The following COX7B2 variants were observed in gnomAD, a reference collection of about 807,000 sequenced individuals.
COX7B2 encodes the protein cytochrome c oxidase subunit 7B2.
For synonymous variants in COX7B2, 37 were observed against 32.1 expected (o/e 1.15, Z -0.51); for missense variants, 109 against 95.9 (o/e 1.14, Z -0.57).
chr4:46,790,098 A>G (rs1717959169), intron 2 of COX7B2, among the ~76,000 whole-genome samples: 3 of 152,142 alleles, frequency 2.0e-5, no homozygotes, highest in African/African-American at 7.2e-5. Context: ...ATAATTTTCT[A>G]TCTGCTATCT....
intron 2 of COX7B2, among the ~76,000 whole-genome samples, chr4:46,778,723 T>A (rs1224417732): frequency 6.6e-6 from 1 of 152,154 alleles, no homozygotes; most frequent in Non-Finnish European, 1.5e-5. Flanking sequence ...ATTTGATATA[T>A]CAATTAGTTC....
intron 2 of COX7B2, among the ~76,000 whole-genome samples, chr4:46,784,651 A>T (rs1273267499): frequency 6.6e-6 from 1 of 152,202 alleles, no homozygotes. Flanking sequence ...AGAAGCTTTA[A>T]TCAAGTAAAT....
intron 2 of COX7B2, among the ~76,000 whole-genome samples, chr4:46,741,500 T>C (rs189208657): frequency 1.9e-4 from 29 of 152,104 alleles, no homozygotes; most frequent in Admixed American, 1.9e-3. Context: ...TACAGAAAGG[T>C]GTATCCTCCC....
chr4:46,860,748 G>C (rs1488232913), intron 1 of COX7B2, among the ~76,000 whole-genome samples: 1 of 152,014 alleles, frequency 6.6e-6, no homozygotes, highest in Non-Finnish European at 1.5e-5. Context: ...TGCAATGTAC[G>C]TTTCATTTAC....
intron 1 of COX7B2, among the ~76,000 whole-genome samples, chr4:46,848,232 G>C (rs1716421174): frequency 6.6e-6 from 1 of 151,998 alleles, no homozygotes; most frequent in African/African-American, 2.4e-5. Flanking sequence ...ACTAACTAAT[G>C]CTAATTAAAG....
intron 2 of COX7B2, among the ~76,000 whole-genome samples, chr4:46,799,290 A>G (rs1718527554): frequency 6.6e-6 from 1 of 152,098 alleles, no homozygotes; most frequent in Non-Finnish European, 1.5e-5. Flanking sequence ...CTAATGATAA[A>G]ATCATATCAT....
chr4:46,779,688 C>T (rs73139364), intron 2 of COX7B2, among the ~76,000 whole-genome samples: 5,094 of 151,924 alleles, frequency 0.034, 215 homozygotes, highest in African/African-American at 0.1. Flanking sequence ...CACCAACACT[C>T]GCTATCTCTT....
intron 2 of COX7B2, among the ~76,000 whole-genome samples, chr4:46,746,845 T>G (rs2109416672): frequency 6.6e-6 from 1 of 152,342 alleles, no homozygotes; most frequent in South Asian, 2.1e-4. Flanking sequence ...TTACTTAAAC[T>G]TGATTAAACT....
intron 1 of COX7B2, among the ~76,000 whole-genome samples, chr4:46,868,340 T>G (rs1054716211): frequency 6.6e-6 from 1 of 152,184 alleles, no homozygotes; most frequent in Non-Finnish European, 1.5e-5. Context: ...TACATTGAAC[T>G]TTTGAATGTT....
chr4:46,802,256 T>C (rs1382928384), intron 2 of COX7B2, among the ~76,000 whole-genome samples: 2 of 152,140 alleles, frequency 1.3e-5, no homozygotes, highest in Admixed American at 6.5e-5. Flanking sequence ...GCCCAGAAGA[T>C]TGTAGGACCT....
intron 1 of COX7B2, among the ~76,000 whole-genome samples, chr4:46,881,008 A>AAAAATAAAATAAAAAAT (rs1560435071): frequency 6.6e-6 from 1 of 151,518 alleles, no homozygotes; most frequent in African/African-American, 2.4e-5. Context: ...AAAAAAAAAA[A>AAAAATAAAATAAAAAAT]AAACTCTTGG....
chr4:46,848,301 T>C (rs1022564109), intron 1 of COX7B2, among the ~76,000 whole-genome samples: 9 of 152,082 alleles, frequency 5.9e-5, no homozygotes, highest in Non-Finnish European at 1.3e-4. Flanking sequence ...TTCATTGTTA[T>C]AAGACATGCT....
At chr4:46,765,781 A>T (rs1374614275) in intron 2 of COX7B2, among the ~76,000 whole-genome samples, 1 of 151,862 alleles carries the variant, frequency 6.6e-6, no homozygotes, top group Non-Finnish European at 1.5e-5. Context: ...AGGCTCCAGG[A>T]TCATGAACCC....
At chr4:46,747,161 G>A (rs544108816) in intron 2 of COX7B2, among the ~76,000 whole-genome samples, 378 of 152,130 alleles carry the variant, frequency 2.5e-3, no homozygotes, top group African/African-American at 8.4e-3. Flanking sequence ...CAGGTATCAA[G>A]CCTAGTATCC....
chr4:46,752,425 G>T (rs572886118), intron 2 of COX7B2, among the ~76,000 whole-genome samples: 1 of 152,110 alleles, frequency 6.6e-6, no homozygotes, highest in Non-Finnish European at 1.5e-5. Context: ...TCTCCTGCCT[G>T]ATTACCCTGG....
chr4:46,778,878 TA>T (rs1717295576), intron 2 of COX7B2, among the ~76,000 whole-genome samples: 1 of 152,186 alleles, frequency 6.6e-6, no homozygotes, highest in African/African-American at 2.4e-5. Context: ...AAAACAATAA[TA>T]TTTTATGTGG....
intron 1 of COX7B2, among the ~76,000 whole-genome samples, chr4:46,880,993 TA>T (rs1215385422): frequency 0.096 from 9,892 of 102,800 alleles, 527 homozygotes; most frequent in Non-Finnish European, 0.12. Context: ...TAGAGTATAA[TA>T]AAAAAAAAAA....
At chr4:46,790,817 T>C (rs2109584254) in intron 2 of COX7B2, among the ~76,000 whole-genome samples, 1 of 152,296 alleles carries the variant, frequency 6.6e-6, no homozygotes, top group South Asian at 2.1e-4. Context: ...CCTCCTAATT[T>C]TGATAATACC....
At position 46,811,439 on chromosome 4, in the gene COX7B2, T is replaced by C. The variant is rs371711323; in HGVS notation, c.-50+33521A>G. Among the ~76,000 whole-genome samples the C allele has an allele frequency of 9.2e-5, 14 of 152,184 alleles. No individual in the cohort carries two copies. In the East Asian group the frequency reaches 1.9e-3, roughly 21 times the overall value. ...TCTGCTGTTAAACCTCAACCATATATATTTTTTTTATTTCATTGATTGAAT... is the reference window on the plus strand; with the variant it reads ...TCTGCTGTTAAACCTCAACCATATACATTTTTTTTATTTCATTGATTGAAT... On this transcript the variant is annotated intron_variant, in intron 2 of 2. Coordinates refer to ENST00000355591, the MANE Select transcript of COX7B2 (RefSeq NM_130902.3).
Sources: gnomAD v4.1 joint callset for allele counts (sites outside exome capture counted in the v4.1 genomes callset) on GRCh38, gnomAD v4.1.1 for gene constraint, MANE v1.5 for transcripts, NCBI Gene and HGNC (gene_info 2026-07-23, HGNC 2026-07-21) for gene names.